ENOX1: variants seen among roughly 807,000 people sequenced by gnomAD.
ENOX1 encodes candidate growth-related and time keeping constitutive hydroquinone (NADH) oxidase.
Under a neutral mutation model 82.5 loss-of-function variants are expected in ENOX1, and 42 were observed. That is an observed-to-expected ratio of 0.51 (90% CI 0.40 to 0.66). ENOX1 has a LOEUF of 0.66. Ranked by LOEUF, ENOX1 falls within the 30% of genes least tolerant of loss-of-function variation. The pLI, the probability that ENOX1 is intolerant of heterozygous loss-of-function variation, is 0.00. For missense variants in ENOX1, 608 were observed against 811.6 expected (o/e 0.75, Z 3.05); for synonymous variants, 271 against 282.2 (o/e 0.96, Z 0.40).
At chr13:43,504,345 G>A (rs956626391) in intron 2 of ENOX1, among the ~76,000 whole-genome samples, 1 of 151,484 alleles carries the variant, frequency 6.6e-6, no homozygotes, top group Non-Finnish European at 1.5e-5. Context: ...TCAAAGTCTG[G>A]GTCACAAAGA....
intron 1 of ENOX1, among the ~76,000 whole-genome samples, chr13:43,772,749 T>TAAAAA (rs35359203): frequency 6.0e-4 from 67 of 112,098 alleles, no homozygotes; most frequent in African/African-American, 2.1e-3. Flanking sequence ...ACTCTGTCTT[T>TAAAAA]AAAAAAAAAA....
rs578226972 is a variant in ENOX1, at chr13:43,762,100, G to A, written c.-285+24552C>T. ...GAGGGATAGCTCAGTGTTGGCAAAAGTCTGAAGAATTCATCTGGCAACATC... is the reference window on the plus strand; with the variant it reads ...GAGGGATAGCTCAGTGTTGGCAAAAATCTGAAGAATTCATCTGGCAACATC... On this transcript the variant is annotated intron_variant, in intron 1 of 16. Transcript: ENST00000690772. Among the ~76,000 whole-genome samples the A allele has an allele frequency of 4.6e-5, 7 of 152,302 alleles. 1 individual carries two copies. In the South Asian group the frequency reaches 1.4e-3, roughly 32 times the overall value.
intron 9 of ENOX1, among the ~76,000 whole-genome samples, chr13:43,328,741 G>A (rs2153532288): frequency 6.6e-6 from 1 of 152,268 alleles, no homozygotes; most frequent in Middle Eastern, 3.4e-3. Context: ...CAAGCCATGT[G>A]CTATTAGATA....
rs186132298 is a variant in ENOX1, at chr13:43,631,364, C to T, written c.-219+36115G>A. Reference sequence around the variant, plus strand: ...AAAAGAGATTGCAGATTCTGCACCCCTCTGGCAAGACACTGTTGAGGTTCT... The same window carrying T: ...AAAAGAGATTGCAGATTCTGCACCCTTCTGGCAAGACACTGTTGAGGTTCT... On this transcript the variant is annotated intron_variant, in intron 2 of 16. Transcript: ENST00000690772. 2.6e-5 allele frequency among the ~76,000 whole-genome samples: 4 copies of T among 152,300 alleles called. No individual in the cohort carries two copies. The East Asian group carries it at 7.7e-4, about 29-fold the overall frequency.
chr13:43,620,014 C>T (rs577731002), intron 2 of ENOX1, among the ~76,000 whole-genome samples: 21 of 152,164 alleles, frequency 1.4e-4, no homozygotes, highest in African/African-American at 5.1e-4. Context: ...TTATCCATCT[C>T]TTCTAATTTT....
intron 2 of ENOX1, among the ~76,000 whole-genome samples, chr13:43,511,259 C>A (rs967768529): frequency 1.9e-4 from 29 of 152,110 alleles, no homozygotes; most frequent in Admixed American, 1.9e-3. Context: ...TTAAAAGTTA[C>A]TTGGACATGA....
At chr13:43,239,283 C>T (rs1593476469) in intron 14 of ENOX1, among the ~76,000 whole-genome samples, 1 of 152,120 alleles carries the variant, frequency 6.6e-6, no homozygotes, top group Admixed American at 6.5e-5. Flanking sequence ...CCACAACAGT[C>T]CAGCAGGCCT....
rs140829921 is a variant in ENOX1 at position 43,472,388 on chromosome 13, C to T, written c.-75+11621G>A. Among the ~76,000 whole-genome samples, 5 of 152,156 alleles carry T rather than the reference C, an allele frequency of 3.3e-5. No homozygotes were observed. In the East Asian group the frequency reaches 5.8e-4, roughly 18 times the overall value. ...GTGATTTTTTTCTACATGTGAATACCATTTATTAGGCTCCCTAAGTGAATG... is the reference window on the plus strand; with the variant it reads ...GTGATTTTTTTCTACATGTGAATACTATTTATTAGGCTCCCTAAGTGAATG... On this transcript the variant is annotated intron_variant, in intron 3 of 16. Transcript: ENST00000690772.
intron 2 of ENOX1, among the ~76,000 whole-genome samples, chr13:43,531,364 C>T (rs568650352): frequency 6.6e-6 from 1 of 151,886 alleles, no homozygotes; most frequent in African/African-American, 2.4e-5. Flanking sequence ...CAAATCAAAA[C>T]CACAATGAGA....
At chr13:43,295,668 C>T (rs1391071406) in intron 12 of ENOX1, among the ~76,000 whole-genome samples, 13 of 152,138 alleles carry the variant, frequency 8.5e-5, no homozygotes, top group Admixed American at 8.5e-4. Flanking sequence ...CCTCCTCTCT[C>T]TGTCATCTTT....
intron 2 of ENOX1, among the ~76,000 whole-genome samples, chr13:43,526,865 G>A (rs763838972): frequency 3.9e-5 from 6 of 152,134 alleles, no homozygotes; most frequent in African/African-American, 9.6e-5. Context: ...ATGGTCATAC[G>A]GGCTTGTTCC....
rs369843593 is a variant in ENOX1, at chr13:43,739,162, G to A, written c.-285+47490C>T. Among the ~76,000 whole-genome samples, 331 of 152,146 alleles carry A rather than the reference G, an allele frequency of 2.2e-3. 3 individuals carry two copies. Among genetic ancestry groups the A allele is most frequent in the South Asian group, 0.021 (100 of 4,820 alleles). On this transcript the variant is annotated intron_variant, in intron 1 of 16. Transcript: ENST00000690772. Reference sequence around the variant, plus strand: ...CTTCAACAAATATCTACTATGTACCGGCATTTTTCTAAGTACTGGGGACAT... The same window carrying A: ...CTTCAACAAATATCTACTATGTACCAGCATTTTTCTAAGTACTGGGGACAT...
intron 1 of ENOX1, among the ~76,000 whole-genome samples, chr13:43,674,551 A>G (rs564317601): frequency 1.4e-4 from 21 of 152,260 alleles, no homozygotes; most frequent in African/African-American, 4.8e-4. Flanking sequence ...GAGACAGTGA[A>G]AATATCCATG....
At chr13:43,219,524 C>A (rs2041674143) in intron 16 of ENOX1, among the ~76,000 whole-genome samples, 1 of 152,068 alleles carries the variant, frequency 6.6e-6, no homozygotes, top group Admixed American at 6.6e-5. Context: ...GATTCTTCTA[C>A]CTGTTTTGTT....
intron 2 of ENOX1, among the ~76,000 whole-genome samples, chr13:43,531,617 A>G (rs1354479236): frequency 6.2e-5 from 9 of 145,816 alleles, no homozygotes; most frequent in African/African-American, 2.3e-4. Context: ...ATAAAGACAC[A>G]TGCACACATA....
At chr13:43,754,806 A>C (rs1358029534) in intron 1 of ENOX1, among the ~76,000 whole-genome samples, 1 of 152,066 alleles carries the variant, frequency 6.6e-6, no homozygotes, top group African/African-American at 2.4e-5. Flanking sequence ...TCCTGGTCTC[A>C]AGTGACCCTC....
intron 2 of ENOX1, among the ~76,000 whole-genome samples, chr13:43,535,643 C>A (rs2078427571): frequency 6.6e-6 from 1 of 152,126 alleles, no homozygotes; most frequent in Non-Finnish European, 1.5e-5. Flanking sequence ...AGCCCATGAG[C>A]AGCACACGGT....
At chr13:43,392,429 A>C (rs1050692108) in intron 5 of ENOX1, among the ~76,000 whole-genome samples, 1 of 152,242 alleles carries the variant, frequency 6.6e-6, no homozygotes, top group Non-Finnish European at 1.5e-5. Flanking sequence ...CTGTAATCCC[A>C]GCACTTTGGG....
At chr13:43,355,390 G>A (rs984865828) in intron 8 of ENOX1, among the ~76,000 whole-genome samples, 6 of 152,156 alleles carry the variant, frequency 3.9e-5, no homozygotes, top group African/African-American at 1.4e-4. Flanking sequence ...CATCTCTGAA[G>A]ACAGGGATCC....
Sources: allele counts gnomAD v4.1 joint callset (sites outside exome capture counted in the v4.1 genomes callset), GRCh38; gene constraint gnomAD v4.1.1; transcripts MANE v1.5; gene names NCBI Gene and HGNC (gene_info 2026-07-23, HGNC 2026-07-21).